Variants in C16orf46 observed in about 807,000 individuals in gnomAD.
The protein encoded by C16orf46 is chromosome 16 open reading frame 46, also known as uncharacterized protein C16orf46.
Under a neutral mutation model 5.5 loss-of-function variants are expected in C16orf46, and 7 were observed. The observed-to-expected ratio is 1.28, with a 90% CI of 0.73 to 2.40. C16orf46 has a LOEUF of 2.40. Ranked by LOEUF, C16orf46 falls within the 30% of genes most tolerant of loss-of-function variation. The pLI is 0.00. For synonymous variants in C16orf46, 200 were observed against 184.1 expected (o/e 1.09, Z -0.70); for missense variants, 614 against 476.0 (o/e 1.29, Z -2.70).
chr16:81,075,879 G>A (rs1409879163), intron 1 of C16orf46, among the ~76,000 whole-genome samples: 1 of 152,134 alleles, frequency 6.6e-6, no homozygotes, highest in Non-Finnish European at 1.5e-5. Context: ...TAAGTCAAAC[G>A]CAAGCTGTTT....
At chr16:81,063,406 G>T (rs1971550821) in intron 3 of C16orf46, among the ~76,000 whole-genome samples, 1 of 152,104 alleles carries the variant, frequency 6.6e-6, no homozygotes, top group South Asian at 2.1e-4. Context: ...TTATTGGCTG[G>T]GTGATCTCGA....
chr16:81,067,104 A>T (rs953555905), intron 1 of C16orf46, among the ~76,000 whole-genome samples: 2 of 152,220 alleles, frequency 1.3e-5, no homozygotes, highest in Non-Finnish European at 2.9e-5. Flanking sequence ...AAAGAACTTA[A>T]GATATTTGGA....
rs1971462386 is a variant in C16orf46 at position 81,061,355 on chromosome 16, C to T, written c.994G>A (p.Val332Met). The change falls in exon 4 of 4, where the codon GTG (valine) becomes ATG (methionine). Residue 332 changes from valine to methionine, a missense_variant. Val to Met is a conservative substitution (Grantham distance 21, BLOSUM62 1). Transcript: ENST00000299578. ...AALQLLQKRGVQSYKSKFKAK... is the reference protein window; with the variant it reads ...AALQLLQKRGMQSYKSKFKAK... ...TTGAATTTGGATTTGTAGCTTTGCA[C>T]TCCCCGTTTCTGCAGAAGCTGCAAG... is the stretch of plus-strand genomic sequence containing the variant. The T allele has an allele frequency of 2.5e-6, 4 of 1,614,152 alleles. No homozygotes were observed. Among genetic ancestry groups the T allele is most frequent in the African/African-American group, 2.7e-5 (2 of 75,044 alleles).
rs35597223 is a variant in C16orf46, at chr16:81,061,869, T to C, written c.480A>G (p.Lys160=). 917 of 1,614,246 alleles carry C rather than the reference T, an allele frequency of 5.7e-4. 6 individuals carry two copies. The African/African-American group carries it at 0.011, about 19-fold the overall frequency. The change falls in exon 4 of 4, where the codon AAA becomes AAG. Residue 160 remains lysine (K), a synonymous_variant. Transcript: ENST00000299578. ...ICFPTYFRAE[K]KSLQIKEFIW... The stretch of plus-strand genomic sequence containing the variant: ...TAAACTCCTTGATTTGCAGACTTTT[T>C]TTCTCTGCTCGAAAGTAGGTGGGAA...
downstream of C16orf46, among the ~76,000 whole-genome samples, chr16:81,058,689 A>G (rs1971374871): frequency 6.6e-6 from 1 of 152,344 alleles, no homozygotes; most frequent in East Asian, 1.9e-4. Context: ...AGCTTGTTAT[A>G]TTTGATCCAC....
chr16:81,074,357 A>G (rs895574127), intron 1 of C16orf46, among the ~76,000 whole-genome samples: 3 of 151,976 alleles, frequency 2.0e-5, no homozygotes, highest in South Asian at 2.1e-4. Context: ...CAAAGTTACT[A>G]TATTTTTTTA....
chr16:81,062,138 C>G lies in C16orf46; in HGVS notation c.211G>C (p.Val71Leu). ...GGAGAAGTCCTTCCCCACCCTTGGACCTGCAAATAAAGCGGCATGTTACTC... is the reference window on the plus strand; with the variant it reads ...GGAGAAGTCCTTCCCCACCCTTGGAGCTGCAAATAAAGCGGCATGTTACTC... Reference protein sequence around the residue: ...FIIGTGWEEAVQGWGRTSPAA... With the variant: ...FIIGTGWEEALQGWGRTSPAA... Residue 71 changes from valine (V) to leucine (L), a missense_variant and splice_region_variant, in exon 4 of 4, where the codon GTC becomes CTC. Val to Leu is a conservative substitution (Grantham distance 32). Transcript: ENST00000299578. The G allele has an allele frequency of 6.4e-7, 1 of 1,562,322 alleles. No individual in the cohort carries two copies. The highest frequency in any genetic ancestry group is 8.6e-7 in the Non-Finnish European group (1 of 1,158,958).
intron 1 of C16orf46, among the ~76,000 whole-genome samples, chr16:81,071,479 G>A (rs1012319354): frequency 2.6e-5 from 4 of 152,234 alleles, no homozygotes; most frequent in African/African-American, 9.6e-5. Flanking sequence ...TGCTGCAGTG[G>A]CTCACGCCTG....
downstream of C16orf46, among the ~76,000 whole-genome samples, chr16:81,059,073 G>C (rs990301197): frequency 6.6e-6 from 1 of 151,824 alleles, no homozygotes; most frequent in African/African-American, 2.4e-5. Context: ...TTATTTTTTT[G>C]AGACAGAGTC....
At chr16:81,072,635 C>T (rs1479948658) in intron 1 of C16orf46, among the ~76,000 whole-genome samples, 1 of 152,198 alleles carries the variant, frequency 6.6e-6, no homozygotes, top group Non-Finnish European at 1.5e-5. Flanking sequence ...CCGCCAGTCT[C>T]AGCCTCCCAA....
chr16:81,072,830 T>C (rs548777812), intron 1 of C16orf46, among the ~76,000 whole-genome samples: 2 of 152,238 alleles, frequency 1.3e-5, no homozygotes, highest in South Asian at 4.1e-4. Flanking sequence ...GTCTCCTGAG[T>C]AGCTGGGATT....
At chr16:81,072,971 C>T (rs892101303) in intron 1 of C16orf46, among the ~76,000 whole-genome samples, 2 of 152,008 alleles carry the variant, frequency 1.3e-5, no homozygotes, top group Admixed American at 6.6e-5. Flanking sequence ...CCAAAGTGCC[C>T]GGCCAATTAT....
intron 3 of C16orf46, among the ~76,000 whole-genome samples, chr16:81,063,228 A>G (rs9934205): frequency 0.063 from 9,364 of 148,462 alleles, 975 homozygotes; most frequent in African/African-American, 0.22. Flanking sequence ...GGGCGACAGA[A>G]AGAGACTCCA....
rs201455625 is a variant in C16orf46 at position 81,063,807 on chromosome 16, A to T, written c.149T>A (p.Ile50Asn). Residue 50 changes from isoleucine (I) to asparagine (N), a missense_variant, in exon 3 of 4, where the codon ATT becomes AAT. Coordinates refer to ENST00000299578, the MANE Select transcript of C16orf46 (RefSeq NM_152337.3). ...HVYCLLDVSD[I>N]TLEQDEKAKE... The stretch of plus-strand genomic sequence containing the variant: ...GGCTTTTTCATCTTGTTCAAGCGTA[A>T]TGTCACTGACATCGAGAAGACAATA... 9.9e-6 allele frequency: 16 copies of T among 1,614,110 alleles called. No homozygotes were observed. In the East Asian group the frequency reaches 1.3e-4, roughly 13 times the overall value.
chr16:81,075,395 G>C (rs1972001658), intron 1 of C16orf46, among the ~76,000 whole-genome samples: 1 of 152,058 alleles, frequency 6.6e-6, no homozygotes, highest in African/African-American at 2.4e-5. Context: ...TTCAAGACCA[G>C]GCTGGCCAAT....
chr16:81,061,010 A>T lies in C16orf46; in HGVS notation c.*151T>A. 7.2e-7 allele frequency: 1 copy of T among 1,384,678 alleles called. No individual in the cohort carries two copies. The highest frequency in any genetic ancestry group is 9.4e-7 in the Non-Finnish European group (1 of 1,068,402). The allele number at this position is 1,384,678 out of a possible 1,614,324, so 85.8% of individuals were successfully genotyped here. ...TTCAGTTTTCTTCAGTTGTACTACAAAAAAAAAATGGAGGAAAAGAAGAGT... is the reference window on the plus strand; with the variant it reads ...TTCAGTTTTCTTCAGTTGTACTACATAAAAAAAATGGAGGAAAAGAAGAGT... On this transcript the variant is annotated 3_prime_UTR_variant, in exon 4 of 4. Coordinates refer to ENST00000299578, the MANE Select transcript of C16orf46 (RefSeq NM_152337.3).
chr16:81,069,721 T>A (rs917049810), intron 1 of C16orf46: 11 of 152,244 alleles, frequency 7.2e-5, no homozygotes, highest in African/African-American at 2.4e-4. Context: ...AATGTGGACA[T>A]TTATCATCAC....
At chr16:81,066,670 C>T (rs2151753416) in intron 1 of C16orf46, among the ~76,000 whole-genome samples, 1 of 152,304 alleles carries the variant, frequency 6.6e-6, no homozygotes, top group South Asian at 2.1e-4. Flanking sequence ...ATGCAGACAT[C>T]TATATTCATA....
At position 81,054,155 on chromosome 16, in the gene C16orf46, G is replaced by A; in HGVS notation, c.1144-61C>T. 22 of 1,519,652 alleles carry A rather than the reference G, an allele frequency of 1.4e-5. No individual in the cohort carries two copies. The South Asian group carries it at 2.5e-4, about 17-fold the overall frequency. 94.1% of individuals were successfully genotyped at this position (1,519,652 alleles called of 1,614,324 possible). Reference sequence around the variant, plus strand: ...GAGCCCATGCTGCAATGAAAATGTGGCAGAAGTCAATGCATCTGAATTATG... The same window carrying A: ...GAGCCCATGCTGCAATGAAAATGTGACAGAAGTCAATGCATCTGAATTATG... On this transcript the variant is annotated intron_variant, in intron 3 of 3. Coordinates refer to the C16orf46 transcript ENST00000378611.
Sources: gnomAD v4.1 joint callset for allele counts (sites outside exome capture counted in the v4.1 genomes callset) on GRCh38, gnomAD v4.1.1 for gene constraint, MANE v1.5 for transcripts, NCBI Gene and HGNC (gene_info 2026-07-23, HGNC 2026-07-21) for gene names.